Variants in NDFIP2 observed in about 807,000 individuals in gnomAD.
NDFIP2 encodes NEDD4 family-interacting protein 2.
Under a neutral mutation model 36.0 loss-of-function variants are expected in NDFIP2, and 19 were observed. The ratio of observed to expected loss-of-function variants is 0.53; its 90% confidence interval spans 0.37 to 0.77. The LOEUF (loss-of-function observed/expected upper bound fraction) is 0.77, where lower values mean the gene tolerates loss of function less well. NDFIP2 is among the 30% of genes least tolerant of loss of function. The probability of loss-of-function intolerance (pLI) is 0.00; values close to 1 mark genes in which losing one functional copy is unlikely to be tolerated. For synonymous variants in NDFIP2, 181 were observed against 167.7 expected (o/e 1.08, Z -0.61); for missense variants, 446 against 435.8 (o/e 1.02, Z -0.21).
chr13:79,555,194 C>A lies in NDFIP2; in HGVS notation c.*2681C>A, dbSNP rs1000769037. ...ACAGGAAAAGTGGAGTTCAAAATATCCAATTGGAGAAAAATTCAGAGTTCC... is the reference window on the plus strand; with the variant it reads ...ACAGGAAAAGTGGAGTTCAAAATATACAATTGGAGAAAAATTCAGAGTTCC... On this transcript the variant is annotated 3_prime_UTR_variant, in exon 8 of 8. Transcript: ENST00000218652. 6.7e-6 allele frequency: 1 copy of A among 148,982 alleles called. No individual in the cohort carries two copies. The highest frequency in any genetic ancestry group is 2.5e-5 in the African/African-American group (1 of 40,452). 9.2% of individuals were successfully genotyped at this position (148,982 alleles called of 1,614,324 possible).
chr13:79,551,025 CT>C lies in NDFIP2; in HGVS notation c.920del (p.Phe307SerfsTer9). 1 of 1,595,070 alleles carries C rather than the reference CT, an allele frequency of 6.3e-7. No individual in the cohort carries two copies. The highest frequency in any genetic ancestry group is 8.5e-7 in the Non-Finnish European group (1 of 1,169,898). ...WWIFLVLGLL[L>X]FFRGFVNYLK... is the part of the protein sequence containing the mutation. ...TATTTCAACCTTCTCAGGCCTGCTC[CT>C]TTTCTTCAGAGGATTTGTTAATTAT... On this transcript the variant is annotated frameshift_variant, in exon 7 of 8. Coordinates refer to ENST00000218652, the MANE Select transcript of NDFIP2 (RefSeq NM_019080.3). LOFTEE classifies it high-confidence loss of function.
intron 2 of NDFIP2, among the ~76,000 whole-genome samples, chr13:79,529,275 G>A (rs1401937865): frequency 6.6e-6 from 1 of 152,082 alleles, no homozygotes; most frequent in Non-Finnish European, 1.5e-5. Flanking sequence ...ATTTAAAAGT[G>A]AAAATTAAAG....
At chr13:79,550,094 TTC>T (rs922871643) in intron 6 of NDFIP2, among the ~76,000 whole-genome samples, 1 of 151,828 alleles carries the variant, frequency 6.6e-6, no homozygotes, top group Non-Finnish European at 1.5e-5. Context: ...AGTAGATATC[TTC>T]TGTTTTTGTT....
chr13:79,533,560 AT>A (rs1190575416), intron 3 of NDFIP2, 104 bp downstream of exon 3: 29 of 1,095,174 alleles, frequency 2.6e-5, no homozygotes, highest in Admixed American at 3.3e-5. Flanking sequence ...GTGTATGTAG[AT>A]TTTTTTTGAG....
At chr13:79,486,865 A>G (rs1419804645) in intron 1 of NDFIP2, among the ~76,000 whole-genome samples, 1 of 152,186 alleles carries the variant, frequency 6.6e-6, no homozygotes, top group Non-Finnish European at 1.5e-5. Flanking sequence ...CGTGCTGTAC[A>G]GGTTTGTAGT....
intron 1 of NDFIP2, among the ~76,000 whole-genome samples, chr13:79,517,672 G>T (rs1227340314): frequency 6.6e-6 from 1 of 152,178 alleles, no homozygotes; most frequent in Non-Finnish European, 1.5e-5. Context: ...AACCGTAGGT[G>T]TTAGCTAGGG....
chr13:79,553,083 C>A lies in NDFIP2; in HGVS notation c.*570C>A, dbSNP rs1875966611. On this transcript the variant is annotated 3_prime_UTR_variant, in exon 8 of 8. Coordinates refer to ENST00000218652, the MANE Select transcript of NDFIP2 (RefSeq NM_019080.3). ...TACATTATTATTTAGGAAAACTCTT[C>A]CTGTAAATAACCATGCATAACTTAC... 1 of 151,684 alleles carries A rather than the reference C, an allele frequency of 6.6e-6. No individual in the cohort carries two copies. Among genetic ancestry groups the A allele is most frequent in the African/African-American group, 2.4e-5 (1 of 41,354 alleles). 9.4% of individuals were successfully genotyped at this position (151,684 alleles called of 1,614,324 possible). A position where few individuals can be genotyped will look rare whatever the true frequency, so the allele number is the denominator to read the frequency against.
At chr13:79,537,295 A>G (rs914813537) in intron 3 of NDFIP2, among the ~76,000 whole-genome samples, 3 of 152,058 alleles carry the variant, frequency 2.0e-5, no homozygotes, top group African/African-American at 7.2e-5. Context: ...TATTTTTAGT[A>G]GAGATGGGTT....
At chr13:79,513,226 AATTACTGTGGAC>A (rs1874145806) in intron 1 of NDFIP2, among the ~76,000 whole-genome samples, 2 of 152,192 alleles carry the variant, frequency 1.3e-5, no homozygotes, top group South Asian at 4.1e-4. Context: ...TTCCCACAGA[AATTACTGTGGAC>A]TTACAATGAA....
Position 79,481,333 on chromosome 13 carries a change from A to T in NDFIP2, c.130A>T (p.Thr44Ser), listed in dbSNP as rs1161227318. Residue 44 changes from threonine to serine, a missense_variant, in exon 1 of 8, where the codon ACA (threonine) becomes TCA (serine). Physicochemically the swap from Thr to Ser is moderately conservative, Grantham distance 58. This residue lies in a region of NDFIP2 where 369 missense variants were observed against 304.8 expected (regional missense o/e 1.21). Coordinates refer to ENST00000218652, the MANE Select transcript of NDFIP2 (RefSeq NM_019080.3). ...GGTCTCGGCGGCCGCTGCGGGAGCC[A>T]CAGGAAGTGAAGAGCTTCCGCCGGG... ...AEVSAAAAGATGSEELPPGDR... is the reference protein window; with the variant it reads ...AEVSAAAAGASGSEELPPGDR... 28 of 1,546,968 alleles carry T rather than the reference A, an allele frequency of 1.8e-5. No individual in the cohort carries two copies. In the East Asian group the frequency reaches 6.6e-4, roughly 36 times the overall value.
intron 1 of NDFIP2, among the ~76,000 whole-genome samples, chr13:79,507,705 A>T (rs1873921829): frequency 6.6e-6 from 1 of 152,100 alleles, no homozygotes; most frequent in Admixed American, 6.6e-5. Context: ...TGTCAGGATC[A>T]ACTTTTTTTA....
chr13:79,492,033 G>C (rs73234681), intron 1 of NDFIP2, among the ~76,000 whole-genome samples: 4,541 of 152,318 alleles, frequency 0.03, 106 homozygotes, highest in Middle Eastern at 0.071. Context: ...GGAATGTGCT[G>C]TGGTTTAGTT....
intron 3 of NDFIP2, among the ~76,000 whole-genome samples, chr13:79,534,350 G>GTTTTTTTTTTTTTTTTTT (rs532659161): frequency 3.1e-5 from 3 of 95,404 alleles, no homozygotes; most frequent in Non-Finnish European, 3.9e-5. Flanking sequence ...TTTGTCAGCT[G>GTTTTTTTTTTTTTTTTTT]TTTTTTTTTT....
At chr13:79,526,024 T>C (rs1874781961) in intron 2 of NDFIP2, among the ~76,000 whole-genome samples, 1 of 152,216 alleles carries the variant, frequency 6.6e-6, no homozygotes, top group African/African-American at 2.4e-5. Context: ...GTGAGATCTA[T>C]AACTTATGCT....
Position 79,554,994 on chromosome 13 carries a change from A to G in NDFIP2, c.*2481A>G, listed in dbSNP as rs574416545. The G allele has an allele frequency of 1.3e-5, 2 of 151,976 alleles. No individual in the cohort carries two copies. The highest frequency in any genetic ancestry group is 6.6e-5 in the Admixed American group (1 of 15,228). 9.4% of individuals were successfully genotyped at this position (151,976 alleles called of 1,614,324 possible). ...AGGACAGATTTTAGAAACTTAGATT[A>G]AAATACAAATCCCATTACATTTGGT... On this transcript the variant is annotated 3_prime_UTR_variant, in exon 8 of 8. Coordinates refer to ENST00000218652, the MANE Select transcript of NDFIP2 (RefSeq NM_019080.3).
At chr13:79,494,591 A>G (rs769641142) in intron 1 of NDFIP2, among the ~76,000 whole-genome samples, 55 of 151,760 alleles carry the variant, frequency 3.6e-4, no homozygotes, top group Admixed American at 1.2e-3. Flanking sequence ...CTATTCTCCT[A>G]TTTCATCAGT....
chr13:79,506,122 A>G (rs1873857474), intron 1 of NDFIP2, among the ~76,000 whole-genome samples: 1 of 152,200 alleles, frequency 6.6e-6, no homozygotes, highest in Non-Finnish European at 1.5e-5. Context: ...CTTCTGTCCT[A>G]CATTAAAAAC....
intron 2 of NDFIP2, among the ~76,000 whole-genome samples, chr13:79,523,574 T>G (rs7991933): frequency 0.011 from 1,725 of 152,282 alleles, 35 homozygotes; most frequent in African/African-American, 0.04. Flanking sequence ...ATGCATAAAT[T>G]AGGCACAGTA....
At chr13:79,513,244 A>G (rs538602124) in intron 1 of NDFIP2, among the ~76,000 whole-genome samples, 7 of 152,258 alleles carry the variant, frequency 4.6e-5, no homozygotes, top group East Asian at 3.9e-4. Flanking sequence ...TGGACTTACA[A>G]TGAAAGAGTT....
Sources: allele counts gnomAD v4.1 joint callset (sites outside exome capture counted in the v4.1 genomes callset), GRCh38; gene constraint gnomAD v4.1.1; regional missense constraint gnomAD v4.1.1; transcripts MANE v1.5; gene names NCBI Gene and HGNC (gene_info 2026-07-23, HGNC 2026-07-21).